The following TTN variants were observed in gnomAD, a reference collection of about 807,000 sequenced individuals.
The protein encoded by TTN is connectin.
In TTN, 1,525 loss-of-function variants were observed where a neutral mutation model predicts 3,223.0. The observed-to-expected ratio is 0.47, with a 90% confidence interval of 0.45 to 0.49. The LOEUF is 0.49. TTN is among the 20% of genes least tolerant of loss of function. TTN has a pLI of 0.00. For synonymous variants in TTN, 14,094 were observed against 15,161.0 expected, an observed-to-expected ratio of 0.93 and a Z score of 5.17; for missense variants, 40,786 against 43,424.0, an observed-to-expected ratio of 0.94 and a Z score of 5.40.
In TTN at chr2:178,572,981, T is replaced by C. The variant is rs1298487582; in HGVS notation, c.73151A>G (p.Tyr24384Cys). ...TPPAGLKATS[Y>C]TITGLTENQE... ...ATTCTCTGTGAGGCCAGTGATAGTA[T>C]ACGAAGTTGCCTTGAGTCCTGCTGG... The change falls in exon 326 of 363, where the codon TAT becomes TGT. Residue 24384 changes from tyrosine (Y) to cysteine (C), a missense_variant. By Grantham distance (194) the Tyr-to-Cys change is radical. Transcript: ENST00000589042. The C allele has an allele frequency of 6.8e-6, 11 of 1,613,084 alleles. No homozygotes were observed. The highest frequency in any genetic ancestry group is 1.1e-5 in the South Asian group (1 of 91,038).
rs754803968 is a variant in TTN at position 178,608,355 on chromosome 2, C to T, written c.52528G>A (p.Glu17510Lys). 1.9e-6 allele frequency: 3 copies of T among 1,611,994 alleles called. No individual in the cohort carries two copies. The highest frequency in any genetic ancestry group is 2.5e-6 in the Non-Finnish European group (3 of 1,179,084). ...CGAGACCAATGTGTACTGTTAACTT[C>T]ACGTTTTTCAAGCCAGTAACCCAAA... ...PILGYWLEKREVNSTHWSRVN... is the reference protein window; with the variant it reads ...PILGYWLEKRKVNSTHWSRVN... Residue 17510 changes from glutamate to lysine, a missense_variant, in exon 275 of 363, where the codon GAA becomes AAA. Physicochemically the swap from Glu to Lys is moderately conservative, Grantham distance 56. Coordinates refer to ENST00000589042, the MANE Select transcript of TTN (RefSeq NM_001267550.2).
chr2:178,785,533 A>G (rs1181764506), intron 15 of TTN, 87 bp downstream of exon 15: 2 of 1,589,064 alleles, frequency 1.3e-6, no homozygotes, highest in Non-Finnish European at 8.6e-7. Flanking sequence ...AGAATCCTCC[A>G]TTGGCCTACC....
At position 178,636,764 on chromosome 2, in the gene TTN, C is replaced by A. The variant is rs727504198; in HGVS notation, c.40963G>T (p.Glu13655Ter). The change falls in exon 225 of 363, where the codon GAA becomes TAA. Residue 13655 changes from glutamate to a stop codon, truncating the protein, a stop_gained. Coordinates refer to ENST00000589042, the MANE Select transcript of TTN (RefSeq NM_001267550.2). LOFTEE classifies it high-confidence loss of function. This position sits in a 1 kb window ranked among gnomAD's most constrained non-coding sequence, Gnocchi z 4.3. ...CTTCCTGGCCTTAACTTTCTCCTTT[C>A]GGCTTCTATTGGTGAAGGAGTCTTT... ...PKKTPSPIEA[E>*]RRKLRPGSGG... The A allele has an allele frequency of 3.1e-6, 5 of 1,606,182 alleles. No individual in the cohort carries two copies. In the Admixed American group the frequency reaches 8.4e-5, roughly 27 times the overall value.
In TTN at chr2:178,546,723, A is replaced by G; in HGVS notation, c.94705T>C (p.Phe31569Leu). 1 of 1,613,842 alleles carries G rather than the reference A, an allele frequency of 6.2e-7. No homozygotes were observed. Among genetic ancestry groups the G allele is most frequent in the African/African-American group, 1.3e-5 (1 of 75,034 alleles). The change falls in exon 341 of 363, where the codon TTC (phenylalanine) becomes CTC (leucine). Residue 31569 changes from phenylalanine (F) to leucine (L), a missense_variant. Transcript: ENST00000589042. Reference protein sequence around the residue: ...CNYTIVSDNFFTVTALSEGDT... With the variant: ...CNYTIVSDNFLTVTALSEGDT... ...CCTTCACTGAGAGCAGTCACGGTGA[A>G]GAAATTGTCAGATACAATGGTGTAG...
intron 47 of TTN, among the ~76,000 whole-genome samples, chr2:178,743,356 G>T (rs1365117070): frequency 1.3e-5 from 2 of 151,792 alleles, no homozygotes; most frequent in Non-Finnish European, 2.9e-5. Flanking sequence ...TAATATTTTG[G>T]GGTTTTATGT....
At position 178,695,351 on chromosome 2, in the gene TTN, T is replaced by C; in HGVS notation, c.31267A>G (p.Lys10423Glu). 1 of 1,611,228 alleles carries C rather than the reference T, an allele frequency of 6.2e-7. No individual in the cohort carries two copies. The highest frequency in any genetic ancestry group is 8.5e-7 in the Non-Finnish European group (1 of 1,177,838). The change falls in exon 115 of 363, where the codon AAA (lysine) becomes GAA (glutamate). Residue 10423 changes from lysine (K) to glutamate (E), a missense_variant. Lys to Glu is a moderately conservative substitution (Grantham distance 56). Transcript: ENST00000589042. ...TTAAATATTTCTAATTACTTACCTT[T>C]AGGAGGTGGTGGTGCTTTCTTTTCA... ...VPEKKAPPPP[K>E]VIKKPVIEKI...
At chr2:178,550,372 G>T (rs1253931935) in intron 336 of TTN, 99 bp from the exon 337 acceptor site, 3 of 998,860 alleles carry the variant, frequency 3.0e-6, no homozygotes, top group East Asian at 5.2e-5. Context: ...GCCAGGAAGA[G>T]TAGTGACTTC....
At chr2:178,686,365 C>T (rs1299646263) in intron 127 of TTN, among the ~76,000 whole-genome samples, 1 of 151,548 alleles carries the variant, frequency 6.6e-6, no homozygotes. Context: ...CGTGATCCAC[C>T]CGCCTCGGCC....
In TTN at chr2:178,702,704, A is replaced by C. The variant is rs368136221; in HGVS notation, c.30224-41T>G. On this transcript the variant is annotated intron_variant, in intron 106 of 362. Coordinates refer to ENST00000589042, the MANE Select transcript of TTN (RefSeq NM_001267550.2). ...GAGGGTTCAAAGTTAGATTATATAG[A>C]GAGGAATTTCTTTTACTTGCTTTTA... is the stretch of plus-strand genomic sequence containing the variant. 6,815 of 1,540,620 alleles carry C rather than the reference A, an allele frequency of 4.4e-3. 60 individuals are homozygous for C. The highest frequency in any genetic ancestry group is 0.023 in the South Asian group (1,854 of 79,730).
At position 178,557,105 on chromosome 2, in the gene TTN, T is replaced by G. The variant is rs1218350204; in HGVS notation, c.88049A>C (p.Asn29350Thr). The change falls in exon 330 of 363, where the codon AAC becomes ACC. Residue 29350 changes from asparagine (N) to threonine (T), a missense_variant. Transcript: ENST00000589042. ...TTGTTGCCATGAAAGGCTGACAGAG[T>G]TCTTTGAAATATCAGTGATACGAAC... Reference protein sequence around the residue: ...RNVRITDISKNSVSLSWQQPA... With the variant: ...RNVRITDISKTSVSLSWQQPA... 1 of 1,613,532 alleles carries G rather than the reference T, an allele frequency of 6.2e-7. No individual in the cohort carries two copies. Among genetic ancestry groups the G allele is most frequent in the African/African-American group, 1.3e-5 (1 of 74,928 alleles).
chr2:178,537,253 G>A lies in TTN; in HGVS notation c.99866-10C>T, dbSNP rs773128928. On this transcript the variant is annotated splice_polypyrimidine_tract_variant and intron_variant, in intron 355 of 362. Transcript: ENST00000589042. ...GGTTTGTCTGGTTTATCTGTTGGGG[G>A]AAAATACAATTGTGGTGGTTTTCAT... The A allele has an allele frequency of 4.4e-5, 69 of 1,573,764 alleles. No individual in the cohort carries two copies. In the African/African-American group the frequency reaches 8.5e-4, roughly 19 times the overall value.
chr2:178,551,070 A>G lies in TTN; in HGVS notation c.91461T>C (p.Ser30487=). The stretch of plus-strand genomic sequence containing the variant: ...TTCTGAACTCATAGCGATCCCCAGG[A>G]CTGAGTCCTGTAACTGTGTACTGAC... ...SECQYTVTGL[S]PGDRYEFRII... Residue 30487 remains serine (S), a synonymous_variant, in exon 336 of 363, where the codon AGT becomes AGC. Transcript: ENST00000589042. 6.2e-7 allele frequency: 1 copy of G among 1,613,384 alleles called. No individual in the cohort carries two copies. Among genetic ancestry groups the G allele is most frequent in the Non-Finnish European group, 8.5e-7 (1 of 1,179,618 alleles).
In TTN at chr2:178,531,189, C is replaced by T. The variant is rs1196335728; in HGVS notation, c.105426G>A (p.Glu35142=). The T allele has an allele frequency of 6.2e-7, 1 of 1,613,982 alleles. No individual in the cohort carries two copies. The highest frequency in any genetic ancestry group is 8.5e-7 in the Non-Finnish European group (1 of 1,179,882). ...CACAAGAAAACCTTGCAGACTCGCC[C>T]TCGTAGACGGTCATGGACCGTGGCT... The part of the protein sequence containing the change: ...LTKPRSMTVY[E]GESARFSCDT... Residue 35142 remains glutamate, a synonymous_variant, in exon 358 of 363, where the codon GAG becomes GAA. Transcript: ENST00000589042.
chr2:178,728,298 G>A lies in TTN; in HGVS notation c.19526C>T (p.Pro6509Leu). ...ATCCTTAAACCACTGAGCACTAATGGGAAGTGAACCAGACACCTTGCACTC... is the reference window on the plus strand; with the variant it reads ...ATCCTTAAACCACTGAGCACTAATGAGAAGTGAACCAGACACCTTGCACTC... ...HMECKVSGSL[P>L]ISAQWFKDGK... Residue 6509 changes from proline (P) to leucine (L), a missense_variant, in exon 67 of 363, where the codon CCC (proline) becomes CTC (leucine). Pro to Leu is a moderately conservative substitution (Grantham distance 98). Transcript: ENST00000589042. The A allele has an allele frequency of 6.2e-7, 1 of 1,613,130 alleles. No individual in the cohort carries two copies. The highest frequency in any genetic ancestry group is 8.5e-7 in the Non-Finnish European group (1 of 1,179,516).
chr2:178,682,608 A>G (rs1042365537), intron 135 of TTN, 89 bp downstream of exon 135: 25 of 1,297,792 alleles, frequency 1.9e-5, no homozygotes, highest in Non-Finnish European at 1.0e-5. Flanking sequence ...GGGTATCCAA[A>G]TTTTTATCTT....
chr2:178,637,670 A>T (rs930340926), intron 223 of TTN, among the ~76,000 whole-genome samples: 1 of 152,004 alleles, frequency 6.6e-6, no homozygotes, highest in African/African-American at 2.4e-5. Context: ...TTATCTTCCC[A>T]TTTTTGGAAG....
In TTN at chr2:178,531,758, C is replaced by A. The variant is rs776593972; in HGVS notation, c.104857G>T (p.Val34953Leu). ...RITLRMRSHRVPCGQNTRFIL... is the reference protein window; with the variant it reads ...RITLRMRSHRLPCGQNTRFIL... ...AAACGTGTATTTTGGCCACATGGTA[C>A]CCTGTGCGAGCGCATTCTCAGTGTG... Residue 34953 changes from valine to leucine, a missense_variant, in exon 358 of 363, where the codon GTA becomes TTA. Physicochemically the swap from Val to Leu is conservative, Grantham distance 32 (BLOSUM62 1). Transcript: ENST00000589042. 1.2e-6 allele frequency: 2 copies of A among 1,613,944 alleles called. No homozygotes were observed. Among genetic ancestry groups the A allele is most frequent in the Admixed American group, 3.3e-5 (2 of 60,018 alleles).
intron 273 of TTN, 27 bp from the exon 274 acceptor site, chr2:178,608,935 CA>C (rs745402486): frequency 6.3e-7 from 1 of 1,589,680 alleles, no homozygotes; most frequent in Non-Finnish European, 8.5e-7. Context: ...GAACAGTAAT[CA>C]AAAATTTGTG....
rs879021503 is a variant in TTN at position 178,773,481 on chromosome 2, G to T, written c.7575C>A (p.Asn2525Lys). ...YKLIVGRVET[N>K]CNLSVEKIKI... ...CCTTACTTTCTACAGAGAGATTACA[G>T]TTGGTTTCAACTCTGCCAACTATCA... Residue 2525 changes from asparagine to lysine, a missense_variant, in exon 32 of 363, where the codon AAC becomes AAA. Physicochemically the swap from Asn to Lys is moderately conservative, Grantham distance 94. Coordinates refer to ENST00000589042, the MANE Select transcript of TTN (RefSeq NM_001267550.2). 6.2e-7 allele frequency: 1 copy of T among 1,613,928 alleles called. No homozygotes were observed. The highest frequency in any genetic ancestry group is 8.5e-7 in the Non-Finnish European group (1 of 1,179,970).
Sources: allele counts gnomAD v4.1 joint callset (sites outside exome capture counted in the v4.1 genomes callset), GRCh38; gene constraint gnomAD v4.1.1; non-coding constraint Gnocchi (gnomAD v3.1); transcripts MANE v1.5; gene names NCBI Gene and HGNC (gene_info 2026-07-23, HGNC 2026-07-21).